Variants in ZSWIM9 observed in about 807,000 individuals in gnomAD.
ZSWIM9 encodes the protein uncharacterized protein ZSWIM9.
In ZSWIM9, 11 loss-of-function variants were observed where a neutral mutation model predicts 25.0. The observed-to-expected ratio is 0.44, with a 90% CI of 0.28 to 0.73. ZSWIM9 has a LOEUF of 0.73. Ranked by LOEUF, ZSWIM9 falls within the 30% of genes least tolerant of loss-of-function variation. The pLI is 0.16. For missense variants in ZSWIM9, 1,070 were observed against 1,296.5 expected (o/e 0.83, Z 2.68); for synonymous variants, 562 against 582.1 (o/e 0.97, Z 0.50).
At chr19:48,187,569 TTA>T (rs1168766019) in intron 3 of ZSWIM9, 11 of 18,350 alleles carry the variant, frequency 6.0e-4, no homozygotes, top group East Asian at 1.2e-3. Flanking sequence ...ATATATAATA[TTA>T]TATATATTAT....
chr19:48,183,520 C>T (rs565788383), intron 3 of ZSWIM9, among the ~76,000 whole-genome samples: 12 of 151,924 alleles, frequency 7.9e-5, no homozygotes, highest in South Asian at 2.1e-4. Flanking sequence ...GCAGTTCTGG[C>T]GGGAAAAACC....
rs1173256808 is a variant in ZSWIM9 at position 48,194,787 on chromosome 19, G to T, written c.723G>T (p.Leu241=). ...GGCTGCCGGGGCTGCAGGGCGCGCT[G>T]GATCTGCTGGCCGTGCTGTGCGTGG... ...VDRLPGLQGA[L]DLLAVLCVDG... Residue 241 remains leucine (L), a synonymous_variant, in exon 4 of 4, where the codon CTG becomes CTT. Transcript: ENST00000614654. The surrounding 1 kb of genome is among the most constrained non-coding windows in gnomAD (Gnocchi z 6.0). 1.5e-5 allele frequency: 23 copies of T among 1,531,238 alleles called. No homozygotes were observed. Among genetic ancestry groups the T allele is most frequent in the Non-Finnish European group, 2.0e-5 (23 of 1,144,786 alleles). The allele number at this position is 1,531,238 out of a possible 1,614,324, so 94.9% of individuals were successfully genotyped here. A position where few individuals can be genotyped will look rare whatever the true frequency, so the allele number is the denominator to read the frequency against.
At position 48,188,738 on chromosome 19, in the gene ZSWIM9, A is replaced by T. The variant is rs961825968; in HGVS notation, c.589-5915A>T. Among the ~76,000 whole-genome samples, 7 of 152,022 alleles carry T rather than the reference A, an allele frequency of 4.6e-5. No homozygotes were observed. The East Asian group carries it at 1.4e-3, about 29-fold the overall frequency. On this transcript the variant is annotated intron_variant, in intron 3 of 3. Coordinates refer to ENST00000614654, the MANE Select transcript of ZSWIM9 (RefSeq NM_199341.4). ...TTGATGCAAGTGTATCCCTTTTAAG[A>T]ATACTCAATGGGGCCAGGCGTGATG... is the stretch of plus-strand genomic sequence containing the variant.
In ZSWIM9 at chr19:48,197,504, T is replaced by G; in HGVS notation, c.*677T>G. ...CAAGACCTGGAGACATCGACCCCCA[T>G]CGCCTTCTGAAGAGAGAGGGAGGGC... On this transcript the variant is annotated 3_prime_UTR_variant, in exon 4 of 4. Transcript: ENST00000614654. The G allele has an allele frequency of 5.5e-6, 3 of 542,342 alleles. No individual in the cohort carries two copies. The highest frequency in any genetic ancestry group is 6.6e-6 in the Non-Finnish European group (2 of 303,444). The allele number at this position is 542,342 out of a possible 1,614,324, so 33.6% of individuals were successfully genotyped here. A position where few individuals can be genotyped will look rare whatever the true frequency, so the allele number is the denominator to read the frequency against.
At chr19:48,177,715 C>A (rs986936110) in intron 2 of ZSWIM9, among the ~76,000 whole-genome samples, 31 of 152,176 alleles carry the variant, frequency 2.0e-4, no homozygotes, top group Non-Finnish European at 7.4e-5. Flanking sequence ...ACAAGGGTTT[C>A]ACAAAAGCCC....
At chr19:48,176,508 C>T (rs2036894790) in intron 2 of ZSWIM9, among the ~76,000 whole-genome samples, 1 of 152,094 alleles carries the variant, frequency 6.6e-6, no homozygotes. Flanking sequence ...ATTCTGGTTA[C>T]TAAGCCCATG....
In ZSWIM9 at chr19:48,197,245, A is replaced by G; in HGVS notation, c.*418A>G. 1.4e-6 allele frequency: 1 copy of G among 702,568 alleles called. No homozygotes were observed. The highest frequency in any genetic ancestry group is 2.7e-5 in the East Asian group (1 of 37,248). 43.5% of individuals were successfully genotyped at this position (702,568 alleles called of 1,614,324 possible). A position where few individuals can be genotyped will look rare whatever the true frequency, so the allele number is the denominator to read the frequency against. On this transcript the variant is annotated 3_prime_UTR_variant, in exon 4 of 4. Transcript: ENST00000614654. ...CGGGGAGAGGGGAAAGGGAGAAAGT[A>G]CAGAAGACAGATGAAGGAGAGGAGG...
chr19:48,189,880 A>G (rs1432940766), intron 3 of ZSWIM9, among the ~76,000 whole-genome samples: 3 of 152,114 alleles, frequency 2.0e-5, no homozygotes, highest in Admixed American at 2.0e-4. Context: ...GGATGTTTGC[A>G]TATTCAAATA....
chr19:48,185,232 C>T (rs534685123), intron 3 of ZSWIM9, among the ~76,000 whole-genome samples: 7 of 151,846 alleles, frequency 4.6e-5, no homozygotes, highest in African/African-American at 9.7e-5. Context: ...CTCCGCCTCC[C>T]GGGTTCAAAC....
Position 48,197,258 on chromosome 19 carries a change from G to A in ZSWIM9, c.*431G>A. On this transcript the variant is annotated 3_prime_UTR_variant, in exon 4 of 4. Coordinates refer to ENST00000614654, the MANE Select transcript of ZSWIM9 (RefSeq NM_199341.4). ...AAGGGAGAAAGTACAGAAGACAGAT[G>A]AAGGAGAGGAGGTAAGCGAGAAAAA... is the stretch of plus-strand genomic sequence containing the variant. 1.4e-6 allele frequency: 1 copy of A among 702,674 alleles called. No homozygotes were observed. The highest frequency in any genetic ancestry group is 1.5e-5 in the South Asian group (1 of 67,552). 43.5% of individuals were successfully genotyped at this position (702,674 alleles called of 1,614,324 possible).
In ZSWIM9 at chr19:48,196,489, C is replaced by T; in HGVS notation, c.2425C>T (p.Leu809Phe). 4.1e-6 allele frequency: 5 copies of T among 1,232,450 alleles called. No individual in the cohort carries two copies. The highest frequency in any genetic ancestry group is 5.1e-6 in the Non-Finnish European group (5 of 988,280). The allele number at this position is 1,232,450 out of a possible 1,614,324, so 76.3% of individuals were successfully genotyped here. ...GEDGPREPKR[L>F]CRPPGEEEVD... Reference sequence around the variant, plus strand: ...AGATGGCCCCAGGGAACCAAAGAGGCTTTGCCGACCCCCGGGAGAGGAGGA... The same window carrying T: ...AGATGGCCCCAGGGAACCAAAGAGGTTTTGCCGACCCCCGGGAGAGGAGGA... Residue 809 changes from leucine to phenylalanine, a missense_variant, in exon 4 of 4, where the codon CTT becomes TTT. Physicochemically the swap from Leu to Phe is conservative, Grantham distance 22. Coordinates refer to ENST00000614654, the MANE Select transcript of ZSWIM9 (RefSeq NM_199341.4).
At chr19:48,187,308 T>C (rs922440807) in intron 3 of ZSWIM9, among the ~76,000 whole-genome samples, 17 of 141,924 alleles carry the variant, frequency 1.2e-4, no homozygotes, top group Non-Finnish European at 2.5e-4. Context: ...CACCTTTTTT[T>C]CACTTATAAA....
rs750485339 is a variant in ZSWIM9, at chr19:48,197,353, G to C, written c.*526G>C. 4.6e-4 allele frequency: 322 copies of C among 696,230 alleles called. No homozygotes were observed. The highest frequency in any genetic ancestry group is 7.3e-4 in the Non-Finnish European group (280 of 381,842). The allele number at this position is 696,230 out of a possible 1,614,324, so 43.1% of individuals were successfully genotyped here. ...GACAGAAATGAAGACATGAGGAAAA[G>C]CTGGGGGAAGCAGGAGAGGAAGGGA... On this transcript the variant is annotated 3_prime_UTR_variant, in exon 4 of 4. Transcript: ENST00000614654.
intron 1 of ZSWIM9, among the ~76,000 whole-genome samples, chr19:48,171,016 G>T (rs956253787): frequency 6.6e-6 from 1 of 152,172 alleles, no homozygotes; most frequent in Non-Finnish European, 1.5e-5. Flanking sequence ...ATCTGAGGAG[G>T]AGGGGACCAC....
chr19:48,184,550 C>T (rs1318994386), intron 3 of ZSWIM9, among the ~76,000 whole-genome samples: 3 of 152,202 alleles, frequency 2.0e-5, no homozygotes, highest in Admixed American at 1.3e-4. Context: ...TTCCTGTCTT[C>T]ATCTCATGCC....
intron 2 of ZSWIM9, among the ~76,000 whole-genome samples, chr19:48,178,730 C>G (rs183902): frequency 0.064 from 9,690 of 152,084 alleles, 668 homozygotes; most frequent in East Asian, 0.19. Flanking sequence ...CGTGTGCCAC[C>G]GCACCTGGCT....
At chr19:48,187,916 T>C (rs1316356688) in intron 3 of ZSWIM9, 1 of 148,930 alleles carries the variant, frequency 6.7e-6, no homozygotes, top group Admixed American at 6.7e-5. Flanking sequence ...ACTCCAGCCT[T>C]GACAACAGAG....
At position 48,194,072 on chromosome 19, in the gene ZSWIM9, A is replaced by C. The variant is rs920402671; in HGVS notation, c.589-581A>C. ...GAGAGGTTAAATCGCAGGGTTCAGA[A>C]GTGTTGGGGGTGGGACTCAAAGCTA... On this transcript the variant is annotated intron_variant, in intron 3 of 3. Coordinates refer to ENST00000614654, the MANE Select transcript of ZSWIM9 (RefSeq NM_199341.4). The surrounding 1 kb of genome is among the most constrained non-coding windows in gnomAD (Gnocchi z 6.0). 4.6e-5 allele frequency among the ~76,000 whole-genome samples: 7 copies of C among 152,114 alleles called. No individual in the cohort carries two copies. Among genetic ancestry groups the C allele is most frequent in the South Asian group, 2.1e-4 (1 of 4,828 alleles).
At position 48,197,563 on chromosome 19, in the gene ZSWIM9, G is replaced by T. The variant is rs1368449655; in HGVS notation, c.*736G>T. On this transcript the variant is annotated 3_prime_UTR_variant, in exon 4 of 4. Coordinates refer to ENST00000614654, the MANE Select transcript of ZSWIM9 (RefSeq NM_199341.4). ...GGGGTCAGGAGAGTCTCCAGCAGGG[G>T]AGGGGAATTGTTTGGACTATTGTTC... The T allele has an allele frequency of 2.2e-6, 1 of 449,456 alleles. No individual in the cohort carries two copies. The highest frequency in any genetic ancestry group is 4.0e-6 in the Non-Finnish European group (1 of 249,120). 27.8% of individuals were successfully genotyped at this position (449,456 alleles called of 1,614,324 possible).
Sources: allele counts gnomAD v4.1 joint callset (sites outside exome capture counted in the v4.1 genomes callset), GRCh38; gene constraint gnomAD v4.1.1; non-coding constraint Gnocchi (gnomAD v3.1); transcripts MANE v1.5; gene names NCBI Gene and HGNC (gene_info 2026-07-23, HGNC 2026-07-21).